Variants in POU2F1 observed in about 807,000 individuals in gnomAD.
The protein encoded by POU2F1 is POU class 2 homeobox 1, also known as POU domain, class 2, transcription factor 1.
POU2F1 carries 16 observed loss-of-function variants against 84.9 expected under a neutral mutation model. That is an observed-to-expected ratio of 0.19 (90% CI 0.13 to 0.29). POU2F1 has a LOEUF of 0.29. Ranked by LOEUF, POU2F1 falls within the 10% of genes least tolerant of loss-of-function variation. The pLI, the probability that POU2F1 is intolerant of heterozygous loss-of-function variation, is 1.00. For synonymous variants in POU2F1, 368 were observed against 368.3 expected (o/e 1.00, Z 0.01); for missense variants, 738 against 942.6 (o/e 0.78, Z 2.84).
rs572687241 is a variant in POU2F1, at chr1:167,415,942, A to G, written c.*132A>G. On this transcript the variant is annotated 3_prime_UTR_variant, in exon 16 of 16. Coordinates refer to ENST00000367866, the MANE Select transcript of POU2F1 (RefSeq NM_002697.4). ...TGTGAGGGCAAAGGAGAGAAGGGAG[A>G]AAAAAAAAAAAAAACCACACACACC... 1.9e-4 allele frequency: 102 copies of G among 524,064 alleles called. No homozygotes were observed. Among genetic ancestry groups the G allele is most frequent in the Middle Eastern group, 3.5e-4 (1 of 2,866 alleles). The allele number at this position is 524,064 out of a possible 1,614,324, so 32.5% of individuals were successfully genotyped here. A position where few individuals can be genotyped will look rare whatever the true frequency, so the allele number is the denominator to read the frequency against.
intron 1 of POU2F1, among the ~76,000 whole-genome samples, chr1:167,327,761 A>G (rs1469397523): frequency 6.6e-6 from 1 of 152,190 alleles, no homozygotes; most frequent in Non-Finnish European, 1.5e-5. Flanking sequence ...TAACTCATCC[A>G]TAATGCATAG....
intron 1 of POU2F1, among the ~76,000 whole-genome samples, chr1:167,274,443 T>C (rs1652579573): frequency 6.6e-6 from 1 of 152,312 alleles, no homozygotes; most frequent in South Asian, 2.1e-4. Context: ...TCTAGGTCTT[T>C]TGAGTATTGC....
chr1:167,343,489 G>T (rs1657989403), intron 2 of POU2F1, among the ~76,000 whole-genome samples: 1 of 151,874 alleles, frequency 6.6e-6, no homozygotes, highest in African/African-American at 2.4e-5. Flanking sequence ...AGATATTAAA[G>T]AATTTTTGGT....
chr1:167,361,970 A>T lies in POU2F1; in HGVS notation c.128-3497A>T, dbSNP rs1017955109. ...GTCTCCTAATGTAGGTGCTCCTATT[A>T]TGTCTCCTAATGTAGGGTGCTCCTT... On this transcript the variant is annotated intron_variant, in intron 2 of 15. Transcript: ENST00000367866. Among the ~76,000 whole-genome samples, 6 of 151,894 alleles carry T rather than the reference A, an allele frequency of 4.0e-5. No individual in the cohort carries two copies. In the South Asian group the frequency reaches 8.3e-4, roughly 21 times the overall value.
At chr1:167,378,407 T>C (rs1251657689) in intron 7 of POU2F1, among the ~76,000 whole-genome samples, 3 of 144,514 alleles carry the variant, frequency 2.1e-5, no homozygotes, top group South Asian at 4.4e-4. Flanking sequence ...AGCTAATTTT[T>C]TTTTTTTTTT....
intron 1 of POU2F1, among the ~76,000 whole-genome samples, chr1:167,327,579 G>A (rs1656790830): frequency 6.6e-6 from 1 of 152,070 alleles, no homozygotes; most frequent in Non-Finnish European, 1.5e-5. Flanking sequence ...AGTTATTAAT[G>A]GGCTGACACC....
intron 13 of POU2F1, among the ~76,000 whole-genome samples, chr1:167,407,467 CAG>C (rs1161919690): frequency 6.6e-6 from 1 of 152,128 alleles, no homozygotes; most frequent in Admixed American, 6.5e-5. Flanking sequence ...AGAGTGAAAT[CAG>C]AGGATTTTCA....
intron 1 of POU2F1, among the ~76,000 whole-genome samples, chr1:167,320,104 C>T (rs942562822): frequency 6.7e-6 from 1 of 150,318 alleles, no homozygotes; most frequent in Non-Finnish European, 1.5e-5. Context: ...CTCCTAACTG[C>T]TGTTTGCAAT....
intron 4 of POU2F1, among the ~76,000 whole-genome samples, chr1:167,371,558 G>C (rs1659999775): frequency 6.6e-6 from 1 of 152,126 alleles, no homozygotes; most frequent in Non-Finnish European, 1.5e-5. Context: ...CTGACCACCA[G>C]GTGTATGTTA....
chr1:167,381,939 T>C (rs1647598161), intron 7 of POU2F1, among the ~76,000 whole-genome samples: 1 of 151,298 alleles, frequency 6.6e-6, no homozygotes, highest in African/African-American at 2.4e-5. Context: ...TTTTTGAATA[T>C]TCTTTAGTCT....
At chr1:167,230,299 G>A (rs1648966610) in intron 1 of POU2F1, among the ~76,000 whole-genome samples, 4 of 152,144 alleles carry the variant, frequency 2.6e-5, no homozygotes, top group Non-Finnish European at 5.9e-5. Flanking sequence ...AAAGGTACTG[G>A]GGGGTTCAGA....
Position 167,368,362 on chromosome 1 carries a change from C to T in POU2F1, c.229-1799C>T, listed in dbSNP as rs544659957. Among the ~76,000 whole-genome samples, 10 of 151,062 alleles carry T rather than the reference C, an allele frequency of 6.6e-5. No homozygotes were observed. In the East Asian group the frequency reaches 1.4e-3, roughly 21 times the overall value. ...CTCTCGGTGCATTCAGAAGCCGTAT[C>T]ATATTGCTTTGTCCCATTATTGTGA... On this transcript the variant is annotated intron_variant, in intron 3 of 15. Coordinates refer to ENST00000367866, the MANE Select transcript of POU2F1 (RefSeq NM_002697.4).
chr1:167,372,150 A>G lies in POU2F1; in HGVS notation c.402+114A>G, dbSNP rs1036929416. The stretch of plus-strand genomic sequence containing the variant: ...TGGTAGTAACATGGCTATGCCTGGC[A>G]CTATTGTGTCTTTAAGGAACTTCCT... On this transcript the variant is annotated intron_variant, in intron 5 of 15. Coordinates refer to ENST00000367866, the MANE Select transcript of POU2F1 (RefSeq NM_002697.4). The G allele has an allele frequency of 1.2e-5, 17 of 1,360,252 alleles. No individual in the cohort carries two copies. The South Asian group carries it at 2.5e-4, about 20-fold the overall frequency. 84.3% of individuals were successfully genotyped at this position (1,360,252 alleles called of 1,614,324 possible).
chr1:167,251,750 C>A (rs987294654), intron 1 of POU2F1, among the ~76,000 whole-genome samples: 2 of 152,052 alleles, frequency 1.3e-5, no homozygotes. Flanking sequence ...AAGATGAAAA[C>A]ACCATATCAC....
chr1:167,402,619 T>G (rs1649290184), intron 13 of POU2F1, among the ~76,000 whole-genome samples: 2 of 152,198 alleles, frequency 1.3e-5, no homozygotes, highest in Non-Finnish European at 1.5e-5. Context: ...TTAAGGAGAT[T>G]TATAAATGAC....
intron 1 of POU2F1, among the ~76,000 whole-genome samples, chr1:167,224,459 A>T (rs112501362): frequency 0.049 from 7,325 of 149,920 alleles, 243 homozygotes; most frequent in African/African-American, 0.098. Context: ...CAGATTTTTT[A>T]AAAAAAATTC....
At chr1:167,349,393 G>A (rs557453825) in intron 2 of POU2F1, among the ~76,000 whole-genome samples, 4 of 152,104 alleles carry the variant, frequency 2.6e-5, no homozygotes, top group Admixed American at 6.5e-5. Context: ...GGCCAGACTC[G>A]CTATCCCTTT....
chr1:167,297,244 A>G (rs1010855688), intron 1 of POU2F1, among the ~76,000 whole-genome samples: 7 of 152,244 alleles, frequency 4.6e-5, no homozygotes, highest in African/African-American at 1.7e-4. Context: ...CACCAAATTA[A>G]TAACTCTTAA....
intron 1 of POU2F1, among the ~76,000 whole-genome samples, chr1:167,252,026 A>G (rs114917939): frequency 0.094 from 14,072 of 150,312 alleles, 1,587 homozygotes; most frequent in African/African-American, 0.28. Context: ...GTATATATAT[A>G]TATATATATA....
Sources: gnomAD v4.1 joint callset for allele counts (sites outside exome capture counted in the v4.1 genomes callset) on GRCh38, gnomAD v4.1.1 for gene constraint, MANE v1.5 for transcripts, NCBI Gene and HGNC (gene_info 2026-07-23, HGNC 2026-07-21) for gene names.